The following ZNF423 variants were observed in gnomAD, a reference collection of about 807,000 sequenced individuals.
ZNF423 encodes the protein zinc finger protein 423.
Under a neutral mutation model 95.8 loss-of-function variants are expected in ZNF423, and 12 were observed. The observed-to-expected ratio is 0.13, with a 90% confidence interval of 0.08 to 0.20. ZNF423 has a LOEUF of 0.20. Ranked by LOEUF, ZNF423 falls within the 10% of genes least tolerant of loss-of-function variation. The pLI, the probability that ZNF423 is intolerant of heterozygous loss-of-function variation, is 1.00. For missense variants in ZNF423, 1,316 were observed against 1,737.1 expected (o/e 0.76, Z 4.31); for synonymous variants, 749 against 711.9 (o/e 1.05, Z -0.83).
chr16:49,488,198 G>GAA lies in ZNF423; in HGVS notation c.*3075_*3076dup, dbSNP rs1687382143. On this transcript the variant is annotated 3_prime_UTR_variant, in exon 8 of 8. Transcript: ENST00000563137. ...TAGGAACACACACCTTAGGAGGGAA[G>GAA]AAAAACAGGTGAAAAGTTCAATATT... 1 of 152,246 alleles carries GAA rather than the reference G, an allele frequency of 6.6e-6. No individual in the cohort carries two copies. Among genetic ancestry groups the GAA allele is most frequent in the South Asian group, 2.1e-4 (1 of 4,834 alleles). 9.4% of individuals were successfully genotyped at this position (152,246 alleles called of 1,614,324 possible).
chr16:49,670,784 T>C (rs1276686441), intron 3 of ZNF423, among the ~76,000 whole-genome samples: 4 of 152,110 alleles, frequency 2.6e-5, no homozygotes, highest in Non-Finnish European at 5.9e-5. Context: ...AATTGCTGGG[T>C]TTTACAACCC....
rs148695315 is a variant in ZNF423, at chr16:49,738,911, C to T, written c.101-7940G>A. On this transcript the variant is annotated intron_variant, in intron 2 of 7. Coordinates refer to ENST00000563137, the MANE Select transcript of ZNF423 (RefSeq NM_001379286.1). Reference sequence around the variant, plus strand: ...GAGAACCCAACTGTACAGGAGCCATCGGGACACTGGGGTAGAGGAGTGCAG... The same window carrying T: ...GAGAACCCAACTGTACAGGAGCCATTGGGACACTGGGGTAGAGGAGTGCAG... 2.6e-3 allele frequency among the ~76,000 whole-genome samples: 392 copies of T among 152,038 alleles called. 1 individual carries two copies. Among genetic ancestry groups the T allele is most frequent in the African/African-American group, 9.0e-3 (373 of 41,476 alleles).
intron 3 of ZNF423, among the ~76,000 whole-genome samples, chr16:49,655,223 C>G (rs1179400374): frequency 6.6e-6 from 1 of 152,116 alleles, no homozygotes; most frequent in Admixed American, 6.5e-5. Context: ...GAGAGCCCAT[C>G]GTCAAGACCT....
intron 5 of ZNF423, among the ~76,000 whole-genome samples, chr16:49,547,096 AC>A (rs1212123811): frequency 6.6e-6 from 1 of 152,010 alleles, no homozygotes; most frequent in Non-Finnish European, 1.5e-5. Context: ...ATCAACAAAG[AC>A]CTGTGTATTA....
chr16:49,609,912 C>G (rs1433756092), intron 5 of ZNF423, among the ~76,000 whole-genome samples: 1 of 151,994 alleles, frequency 6.6e-6, no homozygotes, highest in Admixed American at 6.5e-5. Context: ...AACTCCAGGA[C>G]AGGAAAAAAT....
chr16:49,749,659 G>C (rs1007981397), intron 2 of ZNF423, among the ~76,000 whole-genome samples: 1 of 152,172 alleles, frequency 6.6e-6, no homozygotes, highest in Non-Finnish European at 1.5e-5. Context: ...TCTACACTTT[G>C]TTCCACTCGC....
At chr16:49,676,966 C>T (rs1031819325) in intron 3 of ZNF423, among the ~76,000 whole-genome samples, 36 of 151,960 alleles carry the variant, frequency 2.4e-4, no homozygotes, top group African/African-American at 8.7e-4. Flanking sequence ...GCCAGTAATC[C>T]TAGCACTTTG....
At chr16:49,572,323 G>GC (rs1388847643) in intron 5 of ZNF423, among the ~76,000 whole-genome samples, 1 of 152,228 alleles carries the variant, frequency 6.6e-6, no homozygotes, top group African/African-American at 2.4e-5. Context: ...AGGCATTGGA[G>GC]CAGGACCACA....
intron 5 of ZNF423, among the ~76,000 whole-genome samples, chr16:49,561,284 C>A (rs1044379571): frequency 6.6e-6 from 1 of 152,132 alleles, no homozygotes; most frequent in East Asian, 1.9e-4. Flanking sequence ...AATCAAAATT[C>A]TGTTTTTTAT....
chr16:49,750,932 G>A (rs1374826594), intron 2 of ZNF423, among the ~76,000 whole-genome samples: 1 of 152,120 alleles, frequency 6.6e-6, no homozygotes, highest in Non-Finnish European at 1.5e-5. Flanking sequence ...ATGGAGCATC[G>A]TGCACTCCAA....
At chr16:49,547,011 G>GAA (rs60635430) in intron 5 of ZNF423, among the ~76,000 whole-genome samples, 13 of 111,510 alleles carry the variant, frequency 1.2e-4, no homozygotes, top group Non-Finnish European at 1.7e-4. Context: ...ACTCTTTCCA[G>GAA]AAAAAAAAAA....
At chr16:49,738,612 G>C (rs2033345448) in intron 2 of ZNF423, among the ~76,000 whole-genome samples, 1 of 152,146 alleles carries the variant, frequency 6.6e-6, no homozygotes. Flanking sequence ...CGAGGGGATA[G>C]GGGAGGCCAG....
chr16:49,539,701 C>G (rs1969184043), intron 5 of ZNF423, among the ~76,000 whole-genome samples: 2 of 152,044 alleles, frequency 1.3e-5, no homozygotes, highest in Middle Eastern at 3.2e-3. Flanking sequence ...GTAACAGAGA[C>G]CAGTGAGACA....
intron 5 of ZNF423, among the ~76,000 whole-genome samples, chr16:49,607,435 T>C (rs1320871631): frequency 1.3e-5 from 2 of 152,176 alleles, no homozygotes. Flanking sequence ...CTGTGTATGT[T>C]GATGTTTGAT....
intron 1 of ZNF423, among the ~76,000 whole-genome samples, chr16:49,815,966 TG>T (rs2034849471): frequency 7.6e-6 from 1 of 130,912 alleles, no homozygotes; most frequent in Non-Finnish European, 1.6e-5. Flanking sequence ...TTGCCCAGGC[TG>T]GAGTGCAGTG....
At chr16:49,667,220 T>A (rs1202415377) in intron 3 of ZNF423, among the ~76,000 whole-genome samples, 2 of 152,228 alleles carry the variant, frequency 1.3e-5, no homozygotes, top group Non-Finnish European at 2.9e-5. Context: ...TCATTAGAGA[T>A]GCCAGTAAAA....
chr16:49,491,695 A>G (rs77468725), intron 7 of ZNF423, among the ~76,000 whole-genome samples: 3,102 of 150,936 alleles, frequency 0.021, 104 homozygotes, highest in African/African-American at 0.072. Flanking sequence ...AGAGGAGGAA[A>G]CTCTGATCGC....
rs372170225 is a variant in ZNF423, at chr16:49,572,590, A to C, written c.3602-47096T>G. ...TCTTTCTACAGGCACTGAGGAGCCCACTGGAGTCTTTGAGAAGTGGCATGA... is the reference window on the plus strand; with the variant it reads ...TCTTTCTACAGGCACTGAGGAGCCCCCTGGAGTCTTTGAGAAGTGGCATGA... On this transcript the variant is annotated intron_variant, in intron 5 of 7. Transcript: ENST00000563137. Among the ~76,000 whole-genome samples, 4 of 152,308 alleles carry C rather than the reference A, an allele frequency of 2.6e-5. No individual in the cohort carries two copies. The South Asian group carries it at 6.2e-4, about 24-fold the overall frequency.
At chr16:49,692,769 A>G (rs926553686) in intron 3 of ZNF423, among the ~76,000 whole-genome samples, 2 of 152,228 alleles carry the variant, frequency 1.3e-5, no homozygotes, top group Admixed American at 1.3e-4. Context: ...ATATGCCCAC[A>G]TCTATTCTCT....
Sources: gnomAD v4.1 joint callset for allele counts (sites outside exome capture counted in the v4.1 genomes callset) on GRCh38, gnomAD v4.1.1 for gene constraint, MANE v1.5 for transcripts, NCBI Gene and HGNC (gene_info 2026-07-23, HGNC 2026-07-21) for gene names.